Variants in USP25 observed in about 807,000 individuals in gnomAD.
The protein encoded by USP25 is ubiquitin specific peptidase 25, also known as ubiquitin carboxyl-terminal hydrolase 25.
USP25 carries 85 observed loss-of-function variants against 158.5 expected under a neutral mutation model. That is an observed-to-expected ratio of 0.54 (90% CI 0.45 to 0.64). The LOEUF is 0.64. USP25 is among the 30% of genes least tolerant of loss of function. The probability of loss-of-function intolerance (pLI) is 0.00; values close to 1 mark genes in which losing one functional copy is unlikely to be tolerated. For synonymous variants in USP25, 464 were observed against 460.4 expected (o/e 1.01, Z -0.10); for missense variants, 1,242 against 1,327.3 (o/e 0.94, Z 1.00).
intron 16 of USP25, among the ~76,000 whole-genome samples, chr21:15,832,606 G>A (rs566799477): frequency 6.6e-6 from 1 of 151,950 alleles, no homozygotes; most frequent in Non-Finnish European, 1.5e-5. Flanking sequence ...AGCTAATAAG[G>A]TTAACATGAT....
chr21:15,764,213 T>C (rs750974962), intron 2 of USP25, among the ~76,000 whole-genome samples: 5 of 152,142 alleles, frequency 3.3e-5, no homozygotes, highest in Non-Finnish European at 7.4e-5. Context: ...TAAATATCAT[T>C]ACTAAATTCC....
chr21:15,828,460 C>G (rs1172138033), intron 14 of USP25, among the ~76,000 whole-genome samples: 1 of 152,126 alleles, frequency 6.6e-6, no homozygotes, highest in Non-Finnish European at 1.5e-5. Flanking sequence ...AGACAACTGA[C>G]AGATGTGGGT....
At chr21:15,761,767 T>G (rs994034513) in intron 1 of USP25, among the ~76,000 whole-genome samples, 40 of 152,318 alleles carry the variant, frequency 2.6e-4, no homozygotes, top group African/African-American at 9.4e-4. Context: ...AGCTGTTCAC[T>G]TGATCTTTCA....
intron 17 of USP25, among the ~76,000 whole-genome samples, chr21:15,842,114 A>C (rs1004981433): frequency 4.6e-5 from 7 of 152,162 alleles, no homozygotes; most frequent in African/African-American, 1.7e-4. Context: ...TTCCAAAATG[A>C]GCTTTTGTTA....
Position 15,874,550 on chromosome 21 carries a change from A to G in USP25, c.3009+24A>G, listed in dbSNP as rs376487386. 4.5e-6 allele frequency: 7 copies of G among 1,561,904 alleles called. No homozygotes were observed. The African/African-American group carries it at 6.9e-5, about 15-fold the overall frequency. ...TAGTAAGTTGAATGCATATAGTATGATCTTATCATTTTGTCTGACATTGGG... is the reference window on the plus strand; with the variant it reads ...TAGTAAGTTGAATGCATATAGTATGGTCTTATCATTTTGTCTGACATTGGG... On this transcript the variant is annotated intron_variant, in intron 24 of 25. Transcript: ENST00000400183.
Position 15,818,806 on chromosome 21 carries a change from A to G in USP25, c.1040A>G (p.Glu347Gly), listed in dbSNP as rs781446979. 1.2e-6 allele frequency: 2 copies of G among 1,613,914 alleles called. No individual in the cohort carries two copies. Among genetic ancestry groups the G allele is most frequent in the South Asian group, 2.2e-5 (2 of 91,074 alleles). ...GCTGCAATGATTGAAGGAGAAATTG[A>G]GTCTTTACATTCAGAGAATTCAGGA... is the stretch of plus-strand genomic sequence containing the variant. ...LEAAMIEGEI[E>G]SLHSENSGKS... The change falls in exon 10 of 26, where the codon GAG (glutamate) becomes GGG (glycine). Residue 347 changes from glutamate to glycine, a missense_variant. Glu to Gly is a moderately conservative substitution (Grantham distance 98, BLOSUM62 -2). Transcript: ENST00000400183.
At position 15,766,197 on chromosome 21, in the gene USP25, T is replaced by G. The variant is rs1187317998; in HGVS notation, c.268+56T>G. The G allele has an allele frequency of 6.6e-7, 1 of 1,514,386 alleles. No individual in the cohort carries two copies. The highest frequency in any genetic ancestry group is 2.4e-5 in the East Asian group (1 of 42,082). 93.8% of individuals were successfully genotyped at this position (1,514,386 alleles called of 1,614,324 possible). ...ATAGAAACATACTGAAAAACTTTTCTTGGTGTAATATATTAATGTTGCTTA... is the reference window on the plus strand; with the variant it reads ...ATAGAAACATACTGAAAAACTTTTCGTGGTGTAATATATTAATGTTGCTTA... On this transcript the variant is annotated intron_variant, in intron 3 of 25. Coordinates refer to ENST00000400183, the MANE Select transcript of USP25 (RefSeq NM_001283041.3). The surrounding 1 kb of genome is among the most constrained non-coding windows in gnomAD (Gnocchi z 4.0).
intron 1 of USP25, among the ~76,000 whole-genome samples, chr21:15,733,897 A>T (rs2123150300): frequency 6.6e-6 from 1 of 152,360 alleles, no homozygotes; most frequent in Non-Finnish European, 1.5e-5. Context: ...GTGCGTGCTC[A>T]TGCTAGGAGA....
chr21:15,731,001 T>C (rs1426079161), intron 1 of USP25, among the ~76,000 whole-genome samples: 18 of 116,036 alleles, frequency 1.6e-4, no homozygotes, highest in Admixed American at 3.8e-4. Flanking sequence ...TTTTTTTTTT[T>C]CAATATAGAA....
chr21:15,865,048 C>G (rs2039597915), intron 21 of USP25, among the ~76,000 whole-genome samples: 1 of 151,726 alleles, frequency 6.6e-6, no homozygotes, highest in Middle Eastern at 3.2e-3. Context: ...AGAAAATATT[C>G]TATAGAAATT....
chr21:15,821,494 T>G (rs975227517), intron 10 of USP25, among the ~76,000 whole-genome samples: 1 of 151,908 alleles, frequency 6.6e-6, no homozygotes, highest in Non-Finnish European at 1.5e-5. Flanking sequence ...AAATTTCCCT[T>G]CACAAAGTTG....
intron 1 of USP25, among the ~76,000 whole-genome samples, chr21:15,757,801 C>T (rs1252880372): frequency 2.6e-5 from 4 of 152,104 alleles, no homozygotes; most frequent in Non-Finnish European, 5.9e-5. Context: ...GGAAATACAT[C>T]ATGTGTGAGG....
intron 1 of USP25, among the ~76,000 whole-genome samples, chr21:15,733,301 G>A (rs928423270): frequency 4.0e-5 from 6 of 151,836 alleles, no homozygotes; most frequent in African/African-American, 1.5e-4. Context: ...AAAATATATT[G>A]TTTCACTCTA....
chr21:15,872,956 A>G lies in USP25; in HGVS notation c.2886-1447A>G, dbSNP rs73185441. Among the ~76,000 whole-genome samples, 933 of 152,256 alleles carry G rather than the reference A, an allele frequency of 6.1e-3. 4 individuals are homozygous for G. Among genetic ancestry groups the G allele is most frequent in the Admixed American group, 0.012 (190 of 15,304 alleles). ...TATTAATCTGTGAAAAAATATATTAATGAAAAACTGACGCAAAGGAAATAT... is the reference window on the plus strand; with the variant it reads ...TATTAATCTGTGAAAAAATATATTAGTGAAAAACTGACGCAAAGGAAATAT... On this transcript the variant is annotated intron_variant, in intron 23 of 25. Coordinates refer to ENST00000400183, the MANE Select transcript of USP25 (RefSeq NM_001283041.3).
intron 5 of USP25, among the ~76,000 whole-genome samples, chr21:15,792,884 A>C (rs1172760995): frequency 6.6e-6 from 1 of 151,648 alleles, no homozygotes; most frequent in Admixed American, 6.6e-5. Flanking sequence ...TACCTGGATT[A>C]ACATAAATCT....
intron 17 of USP25, among the ~76,000 whole-genome samples, chr21:15,842,146 A>G (rs111864984): frequency 0.011 from 1,628 of 152,280 alleles, 22 homozygotes; most frequent in Middle Eastern, 0.027. Flanking sequence ...AGAAAAATTT[A>G]CTGTGAATTC....
intron 8 of USP25, among the ~76,000 whole-genome samples, chr21:15,809,881 GT>G (rs1481303177): frequency 6.6e-6 from 1 of 152,102 alleles, no homozygotes; most frequent in Admixed American, 6.5e-5. Context: ...ATTATGCCAC[GT>G]GAAAGAAGCC....
intron 6 of USP25, among the ~76,000 whole-genome samples, 200 bp downstream of exon 6, chr21:15,800,043 A>G (rs1048272932): frequency 6.6e-5 from 10 of 151,180 alleles, no homozygotes. Flanking sequence ...TACCTGTCAC[A>G]GTAATATGCC....
At chr21:15,765,869 A>T (rs2034010515) in intron 2 of USP25, 128 bp from the exon 3 acceptor site, 6 of 804,852 alleles carry the variant, frequency 7.5e-6, no homozygotes, top group Non-Finnish European at 1.1e-5. Context: ...TAAAATTAGA[A>T]TCACATATAG....
Sources: gnomAD v4.1 joint callset for allele counts (sites outside exome capture counted in the v4.1 genomes callset) on GRCh38, gnomAD v4.1.1 for gene constraint, Gnocchi (gnomAD v3.1) non-coding constraint, MANE v1.5 for transcripts, NCBI Gene and HGNC (gene_info 2026-07-23, HGNC 2026-07-21) for gene names.